CHL1: variants seen among roughly 807,000 people sequenced by gnomAD.
The protein encoded by CHL1 is cell adhesion molecule L1 like.
CHL1 carries 96 observed loss-of-function variants against 141.9 expected under a neutral mutation model. The ratio of observed to expected loss-of-function variants is 0.68; its 90% CI spans 0.57 to 0.80. CHL1 has a LOEUF of 0.80. Ranked by LOEUF, CHL1 falls within the 30% of genes least tolerant of loss-of-function variation. CHL1 has a pLI of 0.00. For synonymous variants in CHL1, 613 were observed against 502.2 expected (o/e 1.22, Z -2.95); for missense variants, 1,820 against 1,457.2 (o/e 1.25, Z -4.05).
intron 2 of CHL1, among the ~76,000 whole-genome samples, chr3:268,887 C>T (rs1695393288): frequency 6.6e-6 from 1 of 152,316 alleles, no homozygotes; most frequent in Non-Finnish European, 1.5e-5. Context: ...AAAGGCAGAG[C>T]TCAATCAGAT....
intron 1 of CHL1, among the ~76,000 whole-genome samples, chr3:231,562 A>G (rs1433196697): frequency 6.9e-6 from 1 of 144,852 alleles, no homozygotes; most frequent in Admixed American, 7.3e-5. Context: ...ATGTTTTAAA[A>G]CCTTATTTCT....
chr3:252,674 G>A (rs1693815732), intron 2 of CHL1, among the ~76,000 whole-genome samples: 1 of 151,656 alleles, frequency 6.6e-6, no homozygotes, highest in Admixed American at 6.6e-5. Context: ...CCAAGGTAAG[G>A]AAGAACCTAC....
At chr3:402,886 G>A (rs954820776) in intron 27 of CHL1, among the ~76,000 whole-genome samples, 1 of 152,164 alleles carries the variant, frequency 6.6e-6, no homozygotes, top group African/African-American at 2.4e-5. Context: ...GTTAGCAGTT[G>A]CCTCATAACA....
intron 2 of CHL1, among the ~76,000 whole-genome samples, chr3:271,633 C>A (rs1158656835): frequency 1.3e-5 from 2 of 152,118 alleles, no homozygotes; most frequent in South Asian, 4.1e-4. Flanking sequence ...TTTGAATGAA[C>A]ATTGGCATAA....
intron 2 of CHL1, among the ~76,000 whole-genome samples, chr3:303,984 A>G (rs915319802): frequency 2.6e-5 from 4 of 152,168 alleles, no homozygotes; most frequent in African/African-American, 9.7e-5. Context: ...TGAGATAATC[A>G]TGTGGCTTTT....
At chr3:405,003 A>T (rs1164827076) in intron 27 of CHL1, among the ~76,000 whole-genome samples, 1 of 152,138 alleles carries the variant, frequency 6.6e-6, no homozygotes. Context: ...ACATCGTGAA[A>T]GGGGTAGGGC....
chr3:264,547 A>T (rs1574903033), intron 2 of CHL1, among the ~76,000 whole-genome samples: 1 of 152,236 alleles, frequency 6.6e-6, no homozygotes, highest in Non-Finnish European at 1.5e-5. Context: ...CATGGTACAG[A>T]TATATATTGT....
rs1303963820 is a variant in CHL1, at chr3:341,894, C to T, written c.509-18C>T. The T allele has an allele frequency of 1.9e-6, 3 of 1,552,836 alleles. No individual in the cohort carries two copies. Among genetic ancestry groups the T allele is most frequent in the Non-Finnish European group, 2.6e-6 (3 of 1,139,604 alleles). Reference sequence around the variant, plus strand: ...AAGGGACAATTGCCCTTTTCAATGGCAAGATATCTCTTTTCAGAATTAGAA... The same window carrying T: ...AAGGGACAATTGCCCTTTTCAATGGTAAGATATCTCTTTTCAGAATTAGAA... On this transcript the variant is annotated intron_variant, in intron 6 of 27. Coordinates refer to ENST00000256509, the MANE Select transcript of CHL1 (RefSeq NM_006614.4).
At chr3:198,036 C>T in intron 1 of CHL1, 1 of 318,140 alleles carries the variant, frequency 3.1e-6, no homozygotes, top group Non-Finnish European at 6.3e-6. Context: ...AGGGGCAGGG[C>T]CGGGGAACTC....
At position 349,351 on chromosome 3, in the gene CHL1, T is replaced by G; in HGVS notation, c.849-8T>G. ...AAAAATGTTTATTTATTTAACTATT[T>G]TTTGCAGGCCAACTCCACAGGTTGA... On this transcript the variant is annotated splice_region_variant and splice_polypyrimidine_tract_variant and intron_variant, in intron 9 of 27. Coordinates refer to ENST00000256509, the MANE Select transcript of CHL1 (RefSeq NM_006614.4). 2 of 1,606,836 alleles carry G rather than the reference T, an allele frequency of 1.2e-6. No homozygotes were observed. The highest frequency in any genetic ancestry group is 1.7e-6 in the Non-Finnish European group (2 of 1,177,528).
chr3:258,750 TG>T (rs1020992471), intron 2 of CHL1, among the ~76,000 whole-genome samples: 5 of 152,186 alleles, frequency 3.3e-5, no homozygotes, highest in African/African-American at 1.2e-4. Context: ...GTTGCTTCAG[TG>T]GGACAAACGA....
intron 1 of CHL1, among the ~76,000 whole-genome samples, chr3:235,292 C>G (rs1002100301): frequency 5.7e-4 from 87 of 151,946 alleles, no homozygotes; most frequent in African/African-American, 2.0e-3. Context: ...AAGCTCCATC[C>G]TGGAGAAATG....
intron 2 of CHL1, among the ~76,000 whole-genome samples, chr3:279,870 G>A (rs1312757520): frequency 6.6e-6 from 1 of 152,116 alleles, no homozygotes; most frequent in Non-Finnish European, 1.5e-5. Context: ...GCTGAGACAA[G>A]GGATAAAATT....
At chr3:291,255 C>A (rs1370925540) in intron 2 of CHL1, among the ~76,000 whole-genome samples, 1 of 151,802 alleles carries the variant, frequency 6.6e-6, no homozygotes, top group Non-Finnish European at 1.5e-5. Flanking sequence ...TTTATTTATC[C>A]TGGAGACACA....
intron 26 of CHL1, 51 bp downstream of exon 26, chr3:399,199 G>A: frequency 6.7e-7 from 1 of 1,491,756 alleles, no homozygotes; most frequent in Admixed American, 1.7e-5. Context: ...GCATTTTCTG[G>A]GAAGCATTCT....
intron 2 of CHL1, among the ~76,000 whole-genome samples, chr3:261,633 A>G (rs373417589): frequency 1.3e-5 from 2 of 152,280 alleles, no homozygotes; most frequent in East Asian, 1.9e-4. Flanking sequence ...TTTAAAAACT[A>G]TATGGCTCTT....
chr3:390,203 T>A (rs527862265), intron 20 of CHL1, among the ~76,000 whole-genome samples: 1 of 152,338 alleles, frequency 6.6e-6, no homozygotes, highest in East Asian at 1.9e-4. Flanking sequence ...GTATTAGCCT[T>A]GACTGCTCTG....
At chr3:278,508 A>T (rs932970173) in intron 2 of CHL1, among the ~76,000 whole-genome samples, 1 of 152,188 alleles carries the variant, frequency 6.6e-6, no homozygotes, top group African/African-American at 2.4e-5. Flanking sequence ...AGTACCTCTC[A>T]AAGCAATGAA....
At chr3:383,473 A>G (rs1346620855) in intron 18 of CHL1, among the ~76,000 whole-genome samples, 1 of 152,180 alleles carries the variant, frequency 6.6e-6, no homozygotes, top group African/African-American at 2.4e-5. Context: ...GAAAAAATAG[A>G]GCAGGCTTAA....
Sources: gnomAD v4.1 joint callset for allele counts (sites outside exome capture counted in the v4.1 genomes callset) on GRCh38, gnomAD v4.1.1 for gene constraint, MANE v1.5 for transcripts, NCBI Gene and HGNC (gene_info 2026-07-23, HGNC 2026-07-21) for gene names.